Variants in CCBE1 observed in about 807,000 individuals in gnomAD.
CCBE1 encodes collagen and calcium-binding EGF domain-containing protein 1.
CCBE1 carries 37 observed loss-of-function variants against 50.0 expected under a neutral mutation model. The ratio of observed to expected loss-of-function variants is 0.74; its 90% CI spans 0.57 to 0.97. CCBE1 has a LOEUF of 0.97. CCBE1 is among the 50% of genes least tolerant of loss of function. The pLI is 0.00. For synonymous variants in CCBE1, 234 were observed against 203.7 expected, an observed-to-expected ratio of 1.15 and a Z score of -1.27; for missense variants, 538 against 523.8, an observed-to-expected ratio of 1.03 and a Z score of -0.26.
chr18:59,645,764 G>A (rs1264456575), intron 2 of CCBE1, among the ~76,000 whole-genome samples: 2 of 152,174 alleles, frequency 1.3e-5, no homozygotes, highest in Non-Finnish European at 2.9e-5. Context: ...GGGCGCGGTG[G>A]CTCACGCCTA....
chr18:59,513,231 C>T (rs1914211822), intron 2 of CCBE1, among the ~76,000 whole-genome samples: 1 of 152,144 alleles, frequency 6.6e-6, no homozygotes, highest in Non-Finnish European at 1.5e-5. Flanking sequence ...TCGCTTGAAC[C>T]GGGGAAGCAG....
intron 2 of CCBE1, among the ~76,000 whole-genome samples, chr18:59,649,890 G>A (rs1483916089): frequency 3.3e-5 from 5 of 152,208 alleles, no homozygotes; most frequent in Admixed American, 6.5e-5. Context: ...GGAGCTCTGA[G>A]CCTTGGGGTC....
At chr18:59,542,270 G>A (rs1263199922) in intron 2 of CCBE1, among the ~76,000 whole-genome samples, 1 of 41,084 alleles carries the variant, frequency 2.4e-5, no homozygotes, top group Non-Finnish European at 5.4e-5. Context: ...AGATATTCAG[G>A]TAGAAATCTT....
At chr18:59,651,836 G>A (rs2054132041) in intron 2 of CCBE1, among the ~76,000 whole-genome samples, 1 of 152,162 alleles carries the variant, frequency 6.6e-6, no homozygotes, top group Non-Finnish European at 1.5e-5. Flanking sequence ...AAGTGTATGT[G>A]GTACATGAGA....
At chr18:59,621,981 T>G (rs1055284902) in intron 2 of CCBE1, among the ~76,000 whole-genome samples, 9 of 152,154 alleles carry the variant, frequency 5.9e-5, no homozygotes, top group Admixed American at 4.6e-4. Context: ...CAGCACTATT[T>G]CACACCCTCA....
At chr18:59,489,043 A>G (rs1483146467) in intron 2 of CCBE1, among the ~76,000 whole-genome samples, 1 of 152,248 alleles carries the variant, frequency 6.6e-6, no homozygotes, top group African/African-American at 2.4e-5. Flanking sequence ...ATGTGTTACC[A>G]CGTTCACTCC....
rs560809649 is a variant in CCBE1 at position 59,696,666 on chromosome 18, A to T, written c.175T>A (p.Cys59Ser). The T allele has an allele frequency of 8.1e-6, 13 of 1,614,054 alleles. No individual in the cohort carries two copies. The highest frequency in any genetic ancestry group is 1.1e-5 in the Non-Finnish European group (13 of 1,179,948). ...ESKIATTKYPCLKSSGELTTC... is the reference protein window; with the variant it reads ...ESKIATTKYPSLKSSGELTTC... The stretch of plus-strand genomic sequence containing the variant: ...GTGAGCTCGCCTGAAGACTTCAGAC[A>T]CGGGTATTTAGTCGTCGCGATTTTG... Residue 59 changes from cysteine (C) to serine (S), a missense_variant, in exon 2 of 11, where the codon TGT (cysteine) becomes AGT (serine). Transcript: ENST00000439986.
Position 59,632,199 on chromosome 18 carries a change from C to T in CCBE1, c.212+64430G>A, listed in dbSNP as rs117159030. ...AGGAAACCAAGGCCCCCAAAAATGG[C>T]ACAATGGCCTCAGGATCACGAGGGC... On this transcript the variant is annotated intron_variant, in intron 2 of 10. Transcript: ENST00000439986. 8.8e-3 allele frequency among the ~76,000 whole-genome samples: 1,340 copies of T among 152,290 alleles called. 14 individuals carry two copies. Among genetic ancestry groups the T allele is most frequent in the East Asian group, 0.031 (159 of 5,188 alleles).
rs1910037191 is a variant in CCBE1, at chr18:59,433,897, T to A, written c.*2011A>T. ...ATGAGCCACCAAGCCCGGCCTTTTT[T>A]TTTTTTTTTTTTTTTTTTTAATGAG... On this transcript the variant is annotated 3_prime_UTR_variant, in exon 11 of 11. Transcript: ENST00000439986. 1 of 88,236 alleles carries A rather than the reference T, an allele frequency of 1.1e-5. No homozygotes were observed. Among genetic ancestry groups the A allele is most frequent in the Admixed American group, 1.1e-4 (1 of 9,046 alleles). The allele number at this position is 88,236 out of a possible 1,614,324, so 5.5% of individuals were successfully genotyped here.
chr18:59,571,284 T>C (rs1016996424), intron 2 of CCBE1, among the ~76,000 whole-genome samples: 3 of 152,146 alleles, frequency 2.0e-5, no homozygotes, highest in East Asian at 1.9e-4. Flanking sequence ...TCTTCGATAA[T>C]AGTGATTTTA....
chr18:59,692,999 CACACAA>C lies in CCBE1; in HGVS notation c.212+3624_212+3629del, dbSNP rs1244958652. 6.9e-5 allele frequency among the ~76,000 whole-genome samples: 10 copies of C among 145,146 alleles called. 1 individual carries two copies. Among genetic ancestry groups the C allele is most frequent in the South Asian group, 6.5e-4 (3 of 4,632 alleles). On this transcript the variant is annotated intron_variant, in intron 2 of 10. Coordinates refer to ENST00000439986, the MANE Select transcript of CCBE1 (RefSeq NM_133459.4). Reference sequence around the variant, plus strand: ...ACACACACACACACACACACACACACACACAAACAAAAAACGCAAAGCCAAACCTAT... The same window carrying C: ...ACACACACACACACACACACACACACACAAAAAACGCAAAGCCAAACCTAT...
intron 2 of CCBE1, among the ~76,000 whole-genome samples, chr18:59,556,115 C>A (rs1170984789): frequency 1.3e-5 from 2 of 152,196 alleles, no homozygotes; most frequent in African/African-American, 4.8e-5. Context: ...TTCCTCCTTC[C>A]TGATATCCAG....
chr18:59,602,561 A>G (rs1019109182), intron 2 of CCBE1, among the ~76,000 whole-genome samples: 11 of 152,254 alleles, frequency 7.2e-5, no homozygotes, highest in Non-Finnish European at 1.5e-4. Context: ...GAAAATACAT[A>G]TAATACAAAA....
At chr18:59,580,565 T>G (rs1458007958) in intron 2 of CCBE1, among the ~76,000 whole-genome samples, 2 of 152,178 alleles carry the variant, frequency 1.3e-5, no homozygotes, top group Non-Finnish European at 2.9e-5. Context: ...ATCGAAGGTC[T>G]CAGGGTTAGA....
chr18:59,495,448 T>C (rs1163259221), intron 2 of CCBE1, among the ~76,000 whole-genome samples: 1 of 150,506 alleles, frequency 6.6e-6, no homozygotes, highest in African/African-American at 2.5e-5. Flanking sequence ...AGGAAAGTGA[T>C]TTGTTCAGGT....
At chr18:59,465,788 T>A (rs1387814001) in intron 5 of CCBE1, 1 of 152,230 alleles carries the variant, frequency 6.6e-6, no homozygotes, top group Non-Finnish European at 1.5e-5. Flanking sequence ...TATTTATATT[T>A]CAGCCCATTT....
intron 2 of CCBE1, among the ~76,000 whole-genome samples, chr18:59,674,460 G>A (rs563967190): frequency 6.6e-6 from 1 of 152,228 alleles, no homozygotes; most frequent in South Asian, 2.1e-4. Context: ...CACACACTGG[G>A]GCCTGTCGGT....
At chr18:59,489,918 T>A (rs903455920) in intron 2 of CCBE1, among the ~76,000 whole-genome samples, 3 of 151,930 alleles carry the variant, frequency 2.0e-5, no homozygotes, top group Non-Finnish European at 4.4e-5. Flanking sequence ...AAAAAAGGCT[T>A]GATATTACCT....
chr18:59,585,217 C>A (rs1006887027), intron 2 of CCBE1, among the ~76,000 whole-genome samples: 1 of 152,080 alleles, frequency 6.6e-6, no homozygotes, highest in African/African-American at 2.4e-5. Context: ...TTACAGGCAA[C>A]CCCTTCTGAT....
Sources: allele counts gnomAD v4.1 joint callset (sites outside exome capture counted in the v4.1 genomes callset), GRCh38; gene constraint gnomAD v4.1.1; transcripts MANE v1.5; gene names NCBI Gene and HGNC (gene_info 2026-07-23, HGNC 2026-07-21).